Variants in EEF1AKMT4 observed in about 807,000 individuals in gnomAD.
EEF1AKMT4 encodes eukaryotic translation elongation factor 1 alpha lysine specific methyltransferase 4.
Under a neutral mutation model 23.0 loss-of-function variants are expected in EEF1AKMT4, and 17 were observed. That is an observed-to-expected ratio of 0.74 (90% confidence interval 0.51 to 1.11). EEF1AKMT4 has a LOEUF of 1.11. EEF1AKMT4 is among the 50% of genes least tolerant of loss of function. EEF1AKMT4 has a pLI of 0.00. For missense variants in EEF1AKMT4, 318 were observed against 333.4 expected (o/e 0.95, Z 0.36); for synonymous variants, 140 against 141.4 (o/e 0.99, Z 0.07).
chr3:184,250,003 G>A (rs1325680134), intron 1 of EEF1AKMT4, 113 bp downstream of exon 1: 3 of 1,206,916 alleles, frequency 2.5e-6, no homozygotes, highest in East Asian at 2.5e-5. Flanking sequence ...GGACGCCTGC[G>A]TTGGGACGCG....
chr3:184,253,415 A>G (rs894694563), intron 1 of EEF1AKMT4, among the ~76,000 whole-genome samples: 1 of 152,220 alleles, frequency 6.6e-6, no homozygotes, highest in South Asian at 2.1e-4. Context: ...TAAAACTGGT[A>G]AAATGACTAC....
chr3:184,253,985 A>G (rs1184599946), intron 1 of EEF1AKMT4, among the ~76,000 whole-genome samples: 1 of 152,176 alleles, frequency 6.6e-6, no homozygotes, highest in East Asian at 1.9e-4. Context: ...TATCCTTTAT[A>G]TGGCTCTAAC....
chr3:184,257,859 C>A, intron 2 of EEF1AKMT4, 103 bp downstream of exon 2: 1 of 1,428,802 alleles, frequency 7.0e-7, no homozygotes. Flanking sequence ...TGTTTTGGAG[C>A]AAGTAGTGGG....
rs1560168294 is a variant in EEF1AKMT4, at chr3:184,249,840, G to A, written c.146G>A (p.Arg49His). Reference protein sequence around the residue: ...YDWFGDFSSFRALLEPELRPE... With the variant: ...YDWFGDFSSFHALLEPELRPE... The stretch of plus-strand genomic sequence containing the variant: ...TGGTTCGGGGACTTCTCCTCCTTCC[G>A]TGCCCTCCTAGAGCCGGAGCTGCGG... The change falls in exon 1 of 3, where the codon CGT (arginine) becomes CAT (histidine). Residue 49 changes from arginine (R) to histidine (H), a missense_variant. Coordinates refer to ENST00000324557, the MANE Select transcript of EEF1AKMT4 (RefSeq NM_032331.4). The A allele has an allele frequency of 1.9e-6, 3 of 1,613,142 alleles. No homozygotes were observed. The highest frequency in any genetic ancestry group is 2.2e-5 in the East Asian group (1 of 44,866).
Position 184,249,781 on chromosome 3 carries a change from C to A in EEF1AKMT4, c.87C>A (p.Arg29=), listed in dbSNP as rs1277014348. 5 of 1,613,192 alleles carry A rather than the reference C, an allele frequency of 3.1e-6. No individual in the cohort carries two copies. The Admixed American group carries it at 5.0e-5, about 16-fold the overall frequency. ...GCGAAGTCGAGTACTGGGATCAGCGCTACCAAGGCGCAGCCGATTCTGCCC... is the reference window on the plus strand; with the variant it reads ...GCGAAGTCGAGTACTGGGATCAGCGATACCAAGGCGCAGCCGATTCTGCCC... ...GYREVEYWDQ[R]YQGAADSAPY... Residue 29 remains arginine (R), a synonymous_variant, in exon 1 of 3, where the codon CGC becomes CGA. Coordinates refer to ENST00000324557, the MANE Select transcript of EEF1AKMT4 (RefSeq NM_032331.4).
At chr3:184,258,219 G>A in intron 2 of EEF1AKMT4, 69 bp from the exon 3 acceptor site, 1 of 1,399,286 alleles carries the variant, frequency 7.1e-7, no homozygotes, top group Non-Finnish European at 9.8e-7. Flanking sequence ...GAGAGCATCT[G>A]GAGCAGTACT....
At chr3:184,256,286 A>AAAG (rs1719799223) in intron 1 of EEF1AKMT4, among the ~76,000 whole-genome samples, 1 of 146,564 alleles carries the variant, frequency 6.8e-6, no homozygotes, top group African/African-American at 2.5e-5. Context: ...AAAAAAAAAA[A>AAAG]AAAAGAAAAG....
intron 1 of EEF1AKMT4, among the ~76,000 whole-genome samples, chr3:184,256,400 C>A (rs1719811876): frequency 1.3e-5 from 2 of 152,078 alleles, no homozygotes; most frequent in Admixed American, 6.6e-5. Flanking sequence ...AGTAGAATAA[C>A]CCCTAACATG....
intron 1 of EEF1AKMT4, among the ~76,000 whole-genome samples, chr3:184,251,085 C>CAAAA (rs57069077): frequency 5.6e-5 from 4 of 70,860 alleles, no homozygotes; most frequent in Non-Finnish European, 8.0e-5. Context: ...AACTCTGTCT[C>CAAAA]AAAAAAAAAA....
At chr3:184,250,212 G>T (rs114255617) in intron 1 of EEF1AKMT4, among the ~76,000 whole-genome samples, 1 of 152,210 alleles carries the variant, frequency 6.6e-6, no homozygotes, top group Admixed American at 6.5e-5. Flanking sequence ...AAGTCCTAGC[G>T]CTAATTGACT....
intron 1 of EEF1AKMT4, among the ~76,000 whole-genome samples, chr3:184,256,133 G>T (rs1357464419): frequency 6.6e-6 from 1 of 151,996 alleles, no homozygotes; most frequent in Non-Finnish European, 1.5e-5. Context: ...AATTAGCTGG[G>T]CATGGTGGTG....
chr3:184,257,888 C>G, intron 2 of EEF1AKMT4, 132 bp downstream of exon 2: 2 of 1,164,104 alleles, frequency 1.7e-6, no homozygotes, highest in Non-Finnish European at 2.4e-6. Context: ...AGGAGTGTGG[C>G]TCTCTGAAGG....
chr3:184,256,757 G>A (rs1209465968), intron 1 of EEF1AKMT4, among the ~76,000 whole-genome samples: 3 of 150,602 alleles, frequency 2.0e-5, no homozygotes, highest in South Asian at 2.1e-4. Flanking sequence ...CGCAATCTCC[G>A]CCTCCCGGGT....
intron 1 of EEF1AKMT4, among the ~76,000 whole-genome samples, chr3:184,252,822 A>AATCCC (rs1359701158): frequency 6.6e-6 from 1 of 151,960 alleles, no homozygotes; most frequent in Non-Finnish European, 1.5e-5. Flanking sequence ...AGGCACCTGT[A>AATCCC]ATCCCAGCTA....
In EEF1AKMT4 at chr3:184,257,690, T is replaced by C; in HGVS notation, c.414T>C (p.Ala138=). Residue 138 remains alanine, a synonymous_variant, in exon 2 of 3, where the codon GCT becomes GCC. Transcript: ENST00000324557. The part of the protein sequence containing the change: ...LEKGTLDALL[A]GERDPWTVSS... Reference sequence around the variant, plus strand: ...AGGGCACGCTGGATGCCCTGCTGGCTGGGGAACGAGATCCCTGGACCGTGT... The same window carrying C: ...AGGGCACGCTGGATGCCCTGCTGGCCGGGGAACGAGATCCCTGGACCGTGT... The C allele has an allele frequency of 1.2e-6, 2 of 1,614,150 alleles. No homozygotes were observed. Among genetic ancestry groups the C allele is most frequent in the Non-Finnish European group, 1.7e-6 (2 of 1,180,040 alleles).
chr3:184,258,537 T>G lies in EEF1AKMT4; in HGVS notation c.730T>G (p.Ser244Ala). The G allele has an allele frequency of 6.2e-7, 1 of 1,607,296 alleles. No homozygotes were observed. The highest frequency in any genetic ancestry group is 8.5e-7 in the Non-Finnish European group (1 of 1,176,306). ...CACCTCACCTTGCTTCCTTCAGGACTCAGATCATGAGGACTTCCTTAGTGC... is the reference window on the plus strand; with the variant it reads ...CACCTCACCTTGCTTCCTTCAGGACGCAGATCATGAGGACTTCCTTAGTGC... ...PPTSPCFLQD[S>A]DHEDFLSAIQ... Residue 244 changes from serine to alanine, a missense_variant, in exon 3 of 3, where the codon TCA becomes GCA. Ser to Ala is a moderately conservative substitution (Grantham distance 99). Transcript: ENST00000324557.
rs553151170 is a variant in EEF1AKMT4, at chr3:184,257,820, G to C, written c.480+64G>C. ...GGGGCTGCGGGGTTGAGGTTTCAGG[G>C]GACTGGAAGAAATCAGAAGCCAGAA... On this transcript the variant is annotated intron_variant, in intron 2 of 2. Coordinates refer to ENST00000324557, the MANE Select transcript of EEF1AKMT4 (RefSeq NM_032331.4). 95 of 1,540,368 alleles carry C rather than the reference G, an allele frequency of 6.2e-5. No homozygotes were observed. In the African/African-American group the frequency reaches 1.1e-3, roughly 18 times the overall value.
chr3:184,257,816 C>T, intron 2 of EEF1AKMT4, 60 bp downstream of exon 2: 1 of 1,548,936 alleles, frequency 6.5e-7, no homozygotes, highest in Non-Finnish European at 8.7e-7. Context: ...GTTGAGGTTT[C>T]AGGGGACTGG....
chr3:184,253,688 T>C (rs1301909562), intron 1 of EEF1AKMT4, among the ~76,000 whole-genome samples: 1 of 134,508 alleles, frequency 7.4e-6, no homozygotes, highest in African/African-American at 2.9e-5. Flanking sequence ...TTTTTTTTTT[T>C]ACATGGAATC....
Sources: allele counts gnomAD v4.1 joint callset (sites outside exome capture counted in the v4.1 genomes callset), GRCh38; gene constraint gnomAD v4.1.1; transcripts MANE v1.5; gene names NCBI Gene and HGNC (gene_info 2026-07-23, HGNC 2026-07-21).